The following SLC67A1 variants were observed in gnomAD, a reference collection of about 807,000 sequenced individuals.
The protein encoded by SLC67A1 is solute carrier family 67 member 1.
the SLC67A1 span, among the ~76,000 whole-genome samples, chr11:2,923,451 A>G: frequency 2.1e-5 from 3 of 143,126 alleles, no homozygotes; most frequent in Admixed American, 6.9e-5. The surrounding 1 kb of genome is among the most constrained non-coding windows in gnomAD (Gnocchi z 6.5). Flanking sequence ...GGGAGGCAGC[A>G]GATCCAGAAA....
the SLC67A1 span, among the ~76,000 whole-genome samples, chr11:2,901,772 A>T: frequency 1.3e-5 from 2 of 152,178 alleles, no homozygotes. Flanking sequence ...AGGGGCCCAG[A>T]GCTGTCTCCT....
At chr11:2,910,000 A>G in the SLC67A1 span, among the ~76,000 whole-genome samples, 536 of 152,204 alleles carry the variant, frequency 3.5e-3, 3 homozygotes, top group African/African-American at 0.011. Flanking sequence ...TGAGGCCCTG[A>G]GAGGAGGGAG....
chr11:2,903,815 G>T, the SLC67A1 span: 1 of 362,500 alleles, frequency 2.8e-6, no homozygotes. Flanking sequence ...TTGCCCTCTG[G>T]AGTCCCTGCC....
chr11:2,919,492 C>A, the SLC67A1 span: 5 of 1,014,786 alleles, frequency 4.9e-6, no homozygotes, highest in South Asian at 4.1e-5. Flanking sequence ...TCCTCCCCGG[C>A]GGAGGCTGGG....
At chr11:2,903,688 CCA>C in the SLC67A1 span, 1 of 621,648 alleles carries the variant, frequency 1.6e-6, no homozygotes, top group Non-Finnish European at 2.8e-6. Flanking sequence ...ATCCTGTGCT[CCA>C]GCTTCAGTGC....
At chr11:2,911,259 A>G in the SLC67A1 span, among the ~76,000 whole-genome samples, 46 of 152,286 alleles carry the variant, frequency 3.0e-4, no homozygotes, top group East Asian at 8.3e-3. Context: ...AGGTGGGTCC[A>G]GGAGGCTATG....
the SLC67A1 span, chr11:2,899,838 C>A: frequency 2.1e-6 from 2 of 935,860 alleles, no homozygotes; most frequent in Non-Finnish European, 3.1e-6. Flanking sequence ...CACACCTCAG[C>A]GCCAGAGGAC....
the SLC67A1 span, among the ~76,000 whole-genome samples, chr11:2,914,052 A>G: frequency 3.1e-3 from 466 of 152,250 alleles, 1 homozygote; most frequent in African/African-American, 0.011. Context: ...CCCAGCCCTC[A>G]TTTGCATATA....
chr11:2,917,300 G>C, the SLC67A1 span, among the ~76,000 whole-genome samples: 1 of 152,230 alleles, frequency 6.6e-6, no homozygotes, highest in African/African-American at 2.4e-5. Context: ...TCGGTGCCTA[G>C]GGACTAAGAG....
chr11:2,919,300 G>A, the SLC67A1 span: 91 of 1,611,356 alleles, frequency 5.6e-5, no homozygotes, highest in South Asian at 8.8e-5. Context: ...CCCCTGCCCC[G>A]GCTCAGGGCT....
chr11:2,899,918 C>CT, the SLC67A1 span: 1 of 534,636 alleles, frequency 1.9e-6, no homozygotes. Context: ...GCTTCATCCT[C>CT]TAAGCCCTCC....
chr11:2,915,162 C>T, the SLC67A1 span: 1 of 985,372 alleles, frequency 1.0e-6, no homozygotes, highest in Non-Finnish European at 1.2e-6. Context: ...GAGGGGTGGC[C>T]AATGCCCAGA....
chr11:2,918,271 A>C, the SLC67A1 span, among the ~76,000 whole-genome samples: 2 of 152,238 alleles, frequency 1.3e-5, no homozygotes, highest in African/African-American at 4.8e-5. Context: ...GCCCCTCTAC[A>C]CTGCACACCT....
the SLC67A1 span, chr11:2,917,906 C>A: frequency 8.9e-7 from 1 of 1,126,432 alleles, no homozygotes; most frequent in Non-Finnish European, 1.3e-6. Flanking sequence ...CAGGGCCCTC[C>A]GAATGGCGAG....
the SLC67A1 span, among the ~76,000 whole-genome samples, chr11:2,906,432 C>T: frequency 0.52 from 78,892 of 151,690 alleles, 21,086 homozygotes; most frequent in East Asian, 0.79. Flanking sequence ...ATGTTTATCG[C>T]GGCACTACCT....
At chr11:2,904,004 T>C in the SLC67A1 span, among the ~76,000 whole-genome samples, 110 of 152,276 alleles carry the variant, frequency 7.2e-4, no homozygotes, top group Non-Finnish European at 1.4e-3. Flanking sequence ...GAATGCTGTC[T>C]TATTTTATTA....
the SLC67A1 span, among the ~76,000 whole-genome samples, chr11:2,924,156 C>T: frequency 3.3e-5 from 5 of 152,240 alleles, no homozygotes; most frequent in Admixed American, 6.5e-5. The surrounding 1 kb of genome is among the most constrained non-coding windows in gnomAD (Gnocchi z 8.6). Context: ...ATAGTGCCCA[C>T]GTGCCCGTCC....
chr11:2,908,304 G>T, the SLC67A1 span: 1 of 1,613,638 alleles, frequency 6.2e-7, no homozygotes, highest in African/African-American at 1.3e-5. Context: ...GGGTGCTGCA[G>T]CTGCTGGGCG....
chr11:2,909,863 G>A, the SLC67A1 span: 2 of 867,372 alleles, frequency 2.3e-6, no homozygotes, highest in Non-Finnish European at 3.3e-6. Context: ...GGCCCCGCGC[G>A]AGGCCTAGGC....
Sources: gnomAD v4.1 joint callset for allele counts (sites outside exome capture counted in the v4.1 genomes callset) on GRCh38, gnomAD v4.1.1 for gene constraint, Gnocchi (gnomAD v3.1) non-coding constraint, MANE v1.5 for transcripts, NCBI Gene and HGNC (gene_info 2026-07-23, HGNC 2026-07-21) for gene names.